CAPZB: variants seen among roughly 807,000 people sequenced by gnomAD.
CAPZB encodes the protein capping actin protein of muscle Z-line subunit beta.
Under a neutral mutation model 38.1 loss-of-function variants are expected in CAPZB, and 2 were observed. That is an observed-to-expected ratio of 0.05 (90% CI 0.02 to 0.17). The LOEUF (loss-of-function observed/expected upper bound fraction) is 0.17, where lower values mean the gene tolerates loss of function less well. Ranked by LOEUF, CAPZB falls within the 10% of genes least tolerant of loss-of-function variation. The pLI, the probability that CAPZB is intolerant of heterozygous loss-of-function variation, is 1.00. For synonymous variants in CAPZB, 107 were observed against 127.4 expected (o/e 0.84, Z 1.08); for missense variants, 161 against 334.2 (o/e 0.48, Z 4.04).
chr1:19,369,931 C>T (rs2094111148), intron 4 of CAPZB, among the ~76,000 whole-genome samples: 1 of 152,188 alleles, frequency 6.6e-6, no homozygotes, highest in African/African-American at 2.4e-5. Flanking sequence ...TTCACTCAGC[C>T]AGAGCAAAGG....
chr1:19,380,051 G>A lies in CAPZB; in HGVS notation c.216-1398C>T, dbSNP rs542432824. Among the ~76,000 whole-genome samples, 101 of 152,290 alleles carry A rather than the reference G, an allele frequency of 6.6e-4. 1 individual carries two copies. The highest frequency in any genetic ancestry group is 2.2e-3 in the African/African-American group (93 of 41,564). ...TCATCTTCCAAACCCCAGTTTTAAA[G>A]AATTCTGCACGCAGACATCTTTCTT... is the stretch of plus-strand genomic sequence containing the variant. On this transcript the variant is annotated intron_variant, in intron 3 of 8. Transcript: ENST00000264202.
At chr1:19,390,414 T>G (rs1456202215) in intron 2 of CAPZB, among the ~76,000 whole-genome samples, 13 of 152,264 alleles carry the variant, frequency 8.5e-5, no homozygotes, top group Non-Finnish European at 2.9e-5. Flanking sequence ...CTGAACTGCC[T>G]AACGGCCTTG....
intron 2 of CAPZB, among the ~76,000 whole-genome samples, chr1:19,390,442 A>T (rs1482499932): frequency 6.6e-6 from 1 of 152,252 alleles, no homozygotes; most frequent in Non-Finnish European, 1.5e-5. Flanking sequence ...GGTTCAGATA[A>T]CACCAAAGGT....
chr1:19,460,491 G>A (rs567079047), intron 1 of CAPZB, among the ~76,000 whole-genome samples: 3 of 151,212 alleles, frequency 2.0e-5, no homozygotes, highest in African/African-American at 7.3e-5. Flanking sequence ...TAGCCAGGAT[G>A]GTCTCGATCT....
chr1:19,378,461 T>G, intron 4 of CAPZB, 79 bp downstream of exon 4: 1 of 827,858 alleles, frequency 1.2e-6, no homozygotes, highest in South Asian at 1.4e-5. Flanking sequence ...GGTAACAGAT[T>G]CCAGATAGAA....
chr1:19,350,020 G>A (rs12564715), intron 6 of CAPZB, among the ~76,000 whole-genome samples: 2,849 of 152,346 alleles, frequency 0.019, 78 homozygotes, highest in East Asian at 0.13. Context: ...GATGTTCCAC[G>A]AGGTGGTTCC....
intron 1 of CAPZB, among the ~76,000 whole-genome samples, chr1:19,442,832 A>G (rs951092258): frequency 6.6e-6 from 1 of 152,124 alleles, no homozygotes; most frequent in South Asian, 2.1e-4. Context: ...TTTTTAGGAA[A>G]GTTCCGTTGC....
At chr1:19,440,512 C>A (rs894729480) in intron 1 of CAPZB, among the ~76,000 whole-genome samples, 2 of 152,122 alleles carry the variant, frequency 1.3e-5, no homozygotes, top group African/African-American at 4.8e-5. Context: ...AACTCCAGAC[C>A]AGCCTAAGGC....
chr1:19,439,419 T>G (rs950442123), intron 1 of CAPZB, among the ~76,000 whole-genome samples: 1 of 152,230 alleles, frequency 6.6e-6, no homozygotes, highest in African/African-American at 2.4e-5. Flanking sequence ...AACCACGGGA[T>G]CTCAGTTTCA....
At chr1:19,399,957 C>A (rs1169025387) in intron 2 of CAPZB, among the ~76,000 whole-genome samples, 1 of 152,054 alleles carries the variant, frequency 6.6e-6, no homozygotes, top group Non-Finnish European at 1.5e-5. Context: ...CGGTTCACAG[C>A]CTTAGGACAC....
At chr1:19,457,551 A>G (rs1292021284) in intron 1 of CAPZB, among the ~76,000 whole-genome samples, 1 of 152,242 alleles carries the variant, frequency 6.6e-6, no homozygotes, top group Non-Finnish European at 1.5e-5. Flanking sequence ...CCGCAAACAC[A>G]TATGCACAAA....
At chr1:19,472,965 C>A (rs191449987) in intron 1 of CAPZB, among the ~76,000 whole-genome samples, 3,289 of 152,180 alleles carry the variant, frequency 0.022, 115 homozygotes, top group African/African-American at 0.073. Flanking sequence ...GATCCGCCCG[C>A]CTCGGCCTCC....
intron 3 of CAPZB, 67 bp downstream of exon 3, chr1:19,385,438 C>T (rs1026264422): frequency 1.6e-4 from 264 of 1,600,164 alleles, no homozygotes; most frequent in Non-Finnish European, 2.1e-4. Flanking sequence ...CCGTGCTCTG[C>T]AGCAGGTACC....
At chr1:19,345,353 C>T (rs937572954) in intron 6 of CAPZB, 101 bp from the exon 7 acceptor site, 2 of 955,802 alleles carry the variant, frequency 2.1e-6, no homozygotes, top group East Asian at 2.4e-5. Flanking sequence ...GCCTACTGTT[C>T]CCACCGTGGA....
chr1:19,365,627 T>G (rs1169391464), intron 4 of CAPZB, among the ~76,000 whole-genome samples: 1 of 151,944 alleles, frequency 6.6e-6, no homozygotes, highest in African/African-American at 2.4e-5. Flanking sequence ...GGTCAGGAGT[T>G]CGAGACCAGC....
At chr1:19,393,312 G>A (rs754662521) in intron 2 of CAPZB, among the ~76,000 whole-genome samples, 4 of 152,236 alleles carry the variant, frequency 2.6e-5, no homozygotes, top group Non-Finnish European at 5.9e-5. Flanking sequence ...TGTGCTCCCA[G>A]AGACTCAGGC....
intron 2 of CAPZB, among the ~76,000 whole-genome samples, chr1:19,413,575 T>C (rs6676572): frequency 0.69 from 105,187 of 152,068 alleles, 37,031 homozygotes; most frequent in African/African-American, 0.83. Flanking sequence ...CTCAAGCAAT[T>C]CTCCCACCTT....
chr1:19,473,881 T>C (rs1427235260), intron 1 of CAPZB, among the ~76,000 whole-genome samples: 1 of 152,010 alleles, frequency 6.6e-6, no homozygotes, highest in Non-Finnish European at 1.5e-5. Context: ...AAGAGAGAGA[T>C]TTTTAGACCC....
intron 2 of CAPZB, among the ~76,000 whole-genome samples, chr1:19,398,921 G>A (rs117606995): frequency 2.7e-5 from 4 of 150,344 alleles, no homozygotes; most frequent in East Asian, 2.0e-4. Context: ...GCAATGGAGC[G>A]ATCTCGAGTA....
Sources: allele counts gnomAD v4.1 joint callset (sites outside exome capture counted in the v4.1 genomes callset), GRCh38; gene constraint gnomAD v4.1.1; transcripts MANE v1.5; gene names NCBI Gene and HGNC (gene_info 2026-07-23, HGNC 2026-07-21).